CTDP1: variants seen among roughly 807,000 people sequenced by gnomAD.
CTDP1 encodes CTD phosphatase 1.
A neutral mutation model predicts 91.8 loss-of-function variants in CTDP1; 47 were observed. The observed-to-expected ratio is 0.51, with a 90% CI of 0.41 to 0.65. The LOEUF is 0.65. Ranked by LOEUF, CTDP1 falls within the 30% of genes least tolerant of loss-of-function variation. The pLI is 0.00. For missense variants in CTDP1, 1,272 were observed against 1,373.7 expected (o/e 0.93, Z 1.17); for synonymous variants, 656 against 598.5 (o/e 1.10, Z -1.40).
At chr18:79,710,710 T>G (rs1211255906) in intron 6 of CTDP1, among the ~76,000 whole-genome samples, 12 of 123,780 alleles carry the variant, frequency 9.7e-5, no homozygotes, top group African/African-American at 2.8e-4. Flanking sequence ...TTTTTTTTTT[T>G]TTTTTTTTGT....
intron 8 of CTDP1, among the ~76,000 whole-genome samples, chr18:79,716,646 C>G (rs1568197413): frequency 6.6e-6 from 1 of 152,156 alleles, no homozygotes; most frequent in African/African-American, 2.4e-5. Context: ...ACCCTTCTCT[C>G]CTGAGCATGG....
chr18:79,742,813 C>T (rs562263860), intron 12 of CTDP1, among the ~76,000 whole-genome samples: 1 of 152,226 alleles, frequency 6.6e-6, no homozygotes, highest in South Asian at 2.1e-4. Context: ...CAAAAATTAG[C>T]TGGGCATGGT....
At position 79,680,215 on chromosome 18, in the gene CTDP1, G is replaced by A. The variant is rs1247457274; in HGVS notation, c.268G>A (p.Val90Met). The A allele has an allele frequency of 5.1e-6, 7 of 1,372,798 alleles. No individual in the cohort carries two copies. Among genetic ancestry groups the A allele is most frequent in the Admixed American group, 3.6e-5 (1 of 28,020 alleles). The allele number at this position is 1,372,798 out of a possible 1,614,324, so 85.0% of individuals were successfully genotyped here. ...CAGGCTGAGGTCGGAGCGCGCGGGC[G>A]TGGTGCGGGAGCTGTGCGCGCAGCC... ...ERRLRSERAGVVRELCAQPGQ... is the reference protein window; with the variant it reads ...ERRLRSERAGMVRELCAQPGQ... Residue 90 changes from valine to methionine, a missense_variant, in exon 1 of 13, where the codon GTG becomes ATG. This residue lies in a region of CTDP1 where 214 missense variants were observed against 179.1 expected (regional missense o/e 1.19). Transcript: ENST00000613122.
rs542669295 is a variant in CTDP1, at chr18:79,693,059, G to A, written c.315-2166G>A. Among the ~76,000 whole-genome samples the A allele has an allele frequency of 3.6e-3, 545 of 152,268 alleles. 2 individuals are homozygous for A. Among genetic ancestry groups the A allele is most frequent in the Non-Finnish European group, 5.8e-3 (392 of 68,012 alleles). The stretch of plus-strand genomic sequence containing the variant: ...GGGGAGTTGGGGGCTGCCAGGCATC[G>A]GAGAGGAGCCTGGATGTGGAGGCCC... On this transcript the variant is annotated intron_variant, in intron 1 of 12. Coordinates refer to ENST00000613122, the MANE Select transcript of CTDP1 (RefSeq NM_004715.5).
chr18:79,694,405 CGCG>C (rs1568178351), intron 1 of CTDP1, among the ~76,000 whole-genome samples: 28 of 102,324 alleles, frequency 2.7e-4, no homozygotes, highest in African/African-American at 9.7e-4. Flanking sequence ...GTCCGCGGGG[CGCG>C]GTGGTCGGAG....
In CTDP1 at chr18:79,695,219, T is replaced by C. The variant is rs766442062; in HGVS notation, c.315-6T>C. The C allele has an allele frequency of 1.2e-6, 2 of 1,613,952 alleles. No homozygotes were observed. The highest frequency in any genetic ancestry group is 1.7e-6 in the Non-Finnish European group (2 of 1,179,948). ...AAAGTGTTGTTCCCCTTGTGTTTTT[T>C]TGTAGAGCGGTTCTGGTGAGGTTGG... On this transcript the variant is annotated splice_region_variant and splice_polypyrimidine_tract_variant and intron_variant, in intron 1 of 12. Transcript: ENST00000613122.
rs1238248492 is a variant in CTDP1 at position 79,713,409 on chromosome 18, A to G, written c.1030+271A>G. ...ATGCTGTTTAACCTAACACATCCGA[A>G]TAACTCCCTTCATCCCAGTTTTCCT... On this transcript the variant is annotated intron_variant, in intron 7 of 12. Transcript: ENST00000613122. This position sits in a 1 kb window ranked among gnomAD's most constrained non-coding sequence, Gnocchi z 4.7. Among the ~76,000 whole-genome samples, 1 of 152,212 alleles carries G rather than the reference A, an allele frequency of 6.6e-6. No homozygotes were observed. The highest frequency in any genetic ancestry group is 1.5e-5 in the Non-Finnish European group (1 of 68,044).
chr18:79,743,306 G>A (rs927085202), intron 12 of CTDP1, among the ~76,000 whole-genome samples: 2 of 152,022 alleles, frequency 1.3e-5, no homozygotes, highest in East Asian at 1.9e-4. Flanking sequence ...CGGGCGGATT[G>A]CCTGAGTTCA....
intron 12 of CTDP1, among the ~76,000 whole-genome samples, chr18:79,739,651 T>A (rs545750623): frequency 6.6e-6 from 1 of 152,256 alleles, no homozygotes; most frequent in South Asian, 2.1e-4. Flanking sequence ...AGTACTGTAA[T>A]TGCCGTTTCA....
At chr18:79,676,917 G>C (rs1234064744), upstream of CTDP1, among the ~76,000 whole-genome samples, 1 of 152,194 alleles carries the variant, frequency 6.6e-6, no homozygotes, top group Non-Finnish European at 1.5e-5. Context: ...AGTTTCATTG[G>C]CTGTATAGCA....
At chr18:79,678,669 C>A (rs879912349), upstream of CTDP1, 2 of 152,058 alleles carry the variant, frequency 1.3e-5, no homozygotes, top group Non-Finnish European at 2.9e-5. Context: ...AAAGCAAATA[C>A]AGGATAATCT....
upstream of CTDP1, among the ~76,000 whole-genome samples, chr18:79,676,986 T>G (rs1401159824): frequency 6.6e-6 from 1 of 152,260 alleles, no homozygotes; most frequent in Non-Finnish European, 1.5e-5. Context: ...CACCTAGGGA[T>G]GTCTACATCT....
At chr18:79,698,327 G>A (rs2085788474) in intron 4 of CTDP1, among the ~76,000 whole-genome samples, 1 of 152,198 alleles carries the variant, frequency 6.6e-6, no homozygotes, top group Non-Finnish European at 1.5e-5. Context: ...TGTCCTGAGA[G>A]GGGCAGTCTT....
rs2086291746 is a variant in CTDP1 at position 79,719,568 on chromosome 18, G to A, written c.2417+1552G>A. ...CTGGTGATGTCACCTCCAGTTGTTA[G>A]GAAGGTGTCCTGGTGATGTCACTTC... On this transcript the variant is annotated intron_variant, in intron 10 of 12. Transcript: ENST00000613122. Among the ~76,000 whole-genome samples the A allele has an allele frequency of 2.6e-5, 4 of 151,068 alleles. No homozygotes were observed. The South Asian group carries it at 8.4e-4, about 32-fold the overall frequency.
intron 4 of CTDP1, among the ~76,000 whole-genome samples, chr18:79,701,497 A>G (rs1332997092): frequency 6.6e-6 from 1 of 151,094 alleles, no homozygotes; most frequent in Non-Finnish European, 1.5e-5. Flanking sequence ...GTGACAGAGC[A>G]AGACTCCATC....
chr18:79,753,734 T>C lies in CTDP1; in HGVS notation c.2830T>C (p.Ser944Pro). The change falls in exon 13 of 13, where the codon TCC becomes CCC. Residue 944 changes from serine (S) to proline (P), a missense_variant. This residue lies in a region of CTDP1 where 881 missense variants were observed against 911.6 expected (regional missense o/e 0.97). Transcript: ENST00000613122. ...ESSNEDEGSS[S>P]EADEMAKALE... ...CAGCAACGAGGATGAGGGCAGCAGCTCCGAGGCCGACGAGATGGCCAAGGC... is the reference window on the plus strand; with the variant it reads ...CAGCAACGAGGATGAGGGCAGCAGCCCCGAGGCCGACGAGATGGCCAAGGC... The C allele has an allele frequency of 6.2e-7, 1 of 1,613,890 alleles. No individual in the cohort carries two copies. The highest frequency in any genetic ancestry group is 8.5e-7 in the Non-Finnish European group (1 of 1,179,958).
rs1343729578 is a variant in CTDP1, at chr18:79,715,090, C to G, written c.1630C>G (p.Leu544Val). The G allele has an allele frequency of 6.2e-7, 1 of 1,613,220 alleles. No individual in the cohort carries two copies. The highest frequency in any genetic ancestry group is 1.1e-5 in the South Asian group (1 of 90,958). ...GGGCGAGCGGGATGGCCTCTGCGGCCTGGGCAACGGCTGTGCCGACAGGAA... is the reference window on the plus strand; with the variant it reads ...GGGCGAGCGGGATGGCCTCTGCGGCGTGGGCAACGGCTGTGCCGACAGGAA... The part of the protein sequence containing the change: ...EEGERDGLCG[L>V]GNGCADRKEA... The change falls in exon 8 of 13, where the codon CTG becomes GTG. Residue 544 changes from leucine to valine, a missense_variant. By Grantham distance (32) the Leu-to-Val change is conservative. Coordinates refer to ENST00000613122, the MANE Select transcript of CTDP1 (RefSeq NM_004715.5).
rs191970077 is a variant in CTDP1 at position 79,696,125 on chromosome 18, C to T, written c.492+55C>T. 2.6e-3 allele frequency: 3,958 copies of T among 1,507,822 alleles called. 4 individuals are homozygous for T. Among genetic ancestry groups the T allele is most frequent in the Non-Finnish European group, 3.1e-3 (3,382 of 1,098,918 alleles). 93.4% of individuals were successfully genotyped at this position (1,507,822 alleles called of 1,614,324 possible). A position where few individuals can be genotyped will look rare whatever the true frequency, so the allele number is the denominator to read the frequency against. ...GGGAAGCGTGGTGCTCTGAGGAGGG[C>T]GGCTGCAGGAGGAGGGTGGCTGCAG... On this transcript the variant is annotated intron_variant, in intron 3 of 12. Coordinates refer to ENST00000613122, the MANE Select transcript of CTDP1 (RefSeq NM_004715.5).
intron 1 of CTDP1, chr18:79,683,103 G>A (rs2085408469): frequency 6.6e-6 from 1 of 152,242 alleles, no homozygotes; most frequent in Non-Finnish European, 1.5e-5. Context: ...AGACATCAGG[G>A]AAGAGGAACT....
Sources: allele counts gnomAD v4.1 joint callset (sites outside exome capture counted in the v4.1 genomes callset), GRCh38; gene constraint gnomAD v4.1.1; regional missense constraint gnomAD v4.1.1; non-coding constraint Gnocchi (gnomAD v3.1); transcripts MANE v1.5; gene names NCBI Gene and HGNC (gene_info 2026-07-23, HGNC 2026-07-21).